Variants in MYO3A observed in about 807,000 individuals in gnomAD.
MYO3A encodes the protein myosin IIIA, also known as myosin-IIIa.
In MYO3A, 180 loss-of-function variants were observed where a neutral mutation model predicts 192.7. The observed-to-expected ratio is 0.93, with a 90% CI of 0.83 to 1.06. The LOEUF is 1.06. Ranked by LOEUF, MYO3A falls within the 50% of genes least tolerant of loss-of-function variation. The pLI is 0.00. For synonymous variants in MYO3A, 628 were observed against 645.3 expected (o/e 0.97, Z 0.41); for missense variants, 1,896 against 1,905.0 (o/e 1.00, Z 0.09).
intron 23 of MYO3A, 119 bp from the exon 24 acceptor site, chr10:26,153,731 A>T (rs1019160281): frequency 1.6e-5 from 11 of 677,546 alleles, no homozygotes; most frequent in Non-Finnish European, 5.2e-6. Context: ...TTAACCAAGC[A>T]TATGATTATG....
chr10:26,104,221 C>A (rs866172114), intron 17 of MYO3A, among the ~76,000 whole-genome samples: 3 of 151,216 alleles, frequency 2.0e-5, no homozygotes, highest in Middle Eastern at 3.4e-3. Flanking sequence ...TCTGTTTTTT[C>A]TTTTATTGTT....
chr10:26,030,409 A>G (rs1842752666), intron 10 of MYO3A, among the ~76,000 whole-genome samples: 1 of 152,078 alleles, frequency 6.6e-6, no homozygotes, highest in Admixed American at 6.6e-5. Flanking sequence ...ATCTTTACCC[A>G]CAACACTCTC....
Position 26,125,440 on chromosome 10 carries a change from C to T in MYO3A, c.1946C>T (p.Ala649Val). ...LCIRADELQE[A>V]LTSHCVVTRG... ...ATTCGGGCAGATGAGCTACAAGAAG[C>T]TCTCACCTCCCACTGTGTGGTCACT... Residue 649 changes from alanine (A) to valine (V), a missense_variant, in exon 19 of 35, where the codon GCT becomes GTT. Coordinates refer to ENST00000642920, the MANE Select transcript of MYO3A (RefSeq NM_017433.5). 1 of 1,614,038 alleles carries T rather than the reference C, an allele frequency of 6.2e-7. No individual in the cohort carries two copies. The highest frequency in any genetic ancestry group is 1.1e-5 in the South Asian group (1 of 91,086).
At chr10:26,013,425 TA>T (rs148030068) in intron 6 of MYO3A, among the ~76,000 whole-genome samples, 14,227 of 148,458 alleles carry the variant, frequency 0.096, 1,168 homozygotes, top group African/African-American at 0.22. Flanking sequence ...AAATTACCAA[TA>T]AAAAAAAAGT....
At chr10:26,085,639 G>A (rs1181869368) in intron 14 of MYO3A, among the ~76,000 whole-genome samples, 3 of 152,204 alleles carry the variant, frequency 2.0e-5, no homozygotes, top group Non-Finnish European at 2.9e-5. Flanking sequence ...ATGTGTGGTG[G>A]CAGCAACTAC....
chr10:26,010,347 C>A (rs549541401), intron 6 of MYO3A, among the ~76,000 whole-genome samples: 1 of 147,620 alleles, frequency 6.8e-6, no homozygotes, highest in African/African-American at 2.6e-5. Flanking sequence ...GTATAAAGTA[C>A]AGGAACCTCA....
rs758920959 is a variant in MYO3A, at chr10:26,016,813, C to T, written c.509-7C>T. On this transcript the variant is annotated splice_region_variant and splice_polypyrimidine_tract_variant and intron_variant, in intron 6 of 34. Transcript: ENST00000642920. Reference sequence around the variant, plus strand: ...TGCAAAAAAGTACATCTTGTCTCTTCCTCTAGGTGTGTCTGCACAGCTCAC... The same window carrying T: ...TGCAAAAAAGTACATCTTGTCTCTTTCTCTAGGTGTGTCTGCACAGCTCAC... 1 of 1,613,858 alleles carries T rather than the reference C, an allele frequency of 6.2e-7. No homozygotes were observed. Among genetic ancestry groups the T allele is most frequent in the Non-Finnish European group, 8.5e-7 (1 of 1,179,754 alleles).
At chr10:26,156,000 G>A (rs769967955) in intron 25 of MYO3A, among the ~76,000 whole-genome samples, 6 of 152,158 alleles carry the variant, frequency 3.9e-5, no homozygotes, top group Non-Finnish European at 7.4e-5. Context: ...TTTTCATTCT[G>A]CAGAGAAGAC....
intron 2 of MYO3A, among the ~76,000 whole-genome samples, chr10:25,944,018 T>C (rs1453326101): frequency 1.3e-5 from 2 of 152,056 alleles, no homozygotes; most frequent in Non-Finnish European, 1.5e-5. Flanking sequence ...CACCATTGAA[T>C]ATAATGTTAG....
At chr10:25,995,821 ATTGCTGAACAGCAAATG>A (rs1194561899) in intron 4 of MYO3A, among the ~76,000 whole-genome samples, 3 of 152,166 alleles carry the variant, frequency 2.0e-5, no homozygotes, top group Non-Finnish European at 4.4e-5. Context: ...AACAGCGAAT[ATTGCTGAACAGCAAATG>A]TTGCTGTCTG....
intron 10 of MYO3A, among the ~76,000 whole-genome samples, chr10:26,032,371 C>T (rs968305238): frequency 1.3e-5 from 2 of 152,200 alleles, no homozygotes; most frequent in South Asian, 2.1e-4. Flanking sequence ...AATCCCAGCA[C>T]TTTGGGAGGC....
chr10:25,979,376 T>C (rs1839159892), intron 4 of MYO3A, among the ~76,000 whole-genome samples: 1 of 150,662 alleles, frequency 6.6e-6, no homozygotes, highest in African/African-American at 2.4e-5. Flanking sequence ...TCACAAAATA[T>C]TATCTTAGTT....
At chr10:26,041,795 C>G (rs1843364537) in intron 10 of MYO3A, among the ~76,000 whole-genome samples, 1 of 152,006 alleles carries the variant, frequency 6.6e-6, no homozygotes, top group African/African-American at 2.4e-5. Flanking sequence ...CTGTCTATGT[C>G]TTGAAACATG....
intron 26 of MYO3A, 73 bp from the exon 27 acceptor site, chr10:26,165,994 G>A (rs1841722691): frequency 1.6e-6 from 2 of 1,244,426 alleles, no homozygotes; most frequent in South Asian, 1.2e-5. Context: ...GCACTAAGTT[G>A]TTGGGGAACC....
Position 26,145,519 on chromosome 10 carries a change from C to T in MYO3A, c.2490C>T (p.His830=). Residue 830 remains histidine, a synonymous_variant, in exon 22 of 35, where the codon CAC becomes CAT. Coordinates refer to ENST00000642920, the MANE Select transcript of MYO3A (RefSeq NM_017433.5). ...PKRMELSFGI[H]HYAGKVLYNA... ...GAATGGAACTTAGTTTTGGAATTCA[C>T]CATTATGCAGGAAAGGTAAGAACTC... 1 of 1,601,546 alleles carries T rather than the reference C, an allele frequency of 6.2e-7. No homozygotes were observed. Among genetic ancestry groups the T allele is most frequent in the African/African-American group, 1.3e-5 (1 of 74,700 alleles).
intron 14 of MYO3A, among the ~76,000 whole-genome samples, chr10:26,086,216 GGA>G (rs1460502068): frequency 6.6e-6 from 1 of 152,102 alleles, no homozygotes; most frequent in Non-Finnish European, 1.5e-5. Context: ...CAACAAAGCA[GGA>G]GAGAGAGAAA....
At chr10:25,938,059 G>A (rs1354867935) in intron 2 of MYO3A, among the ~76,000 whole-genome samples, 1 of 152,136 alleles carries the variant, frequency 6.6e-6, no homozygotes, top group African/African-American at 2.4e-5. Context: ...GTTTTACAGG[G>A]CAAATTTAAT....
intron 29 of MYO3A, among the ~76,000 whole-genome samples, 181 bp from the exon 30 acceptor site, chr10:26,173,482 T>G (rs1436588458): frequency 1.3e-5 from 2 of 152,242 alleles, no homozygotes; most frequent in Non-Finnish European, 2.9e-5. Context: ...GTTATCACAG[T>G]TGTCACCAGA....
At chr10:25,951,784 A>G (rs140735447) in intron 2 of MYO3A, among the ~76,000 whole-genome samples, 19 of 152,296 alleles carry the variant, frequency 1.2e-4, no homozygotes, top group African/African-American at 4.6e-4. Flanking sequence ...GTGATACATG[A>G]GTATAAAGAA....
Sources: gnomAD v4.1 joint callset for allele counts (sites outside exome capture counted in the v4.1 genomes callset) on GRCh38, gnomAD v4.1.1 for gene constraint, MANE v1.5 for transcripts, NCBI Gene and HGNC (gene_info 2026-07-23, HGNC 2026-07-21) for gene names.